The following B4GALNT3 variants were observed in gnomAD, a reference collection of about 807,000 sequenced individuals.
B4GALNT3 encodes the protein beta-1,4-N-acetyl-galactosaminyltransferase 3, also known as beta-1,4-N-acetylgalactosaminyltransferase 3.
Under a neutral mutation model 120.2 loss-of-function variants are expected in B4GALNT3, and 86 were observed. That is an observed-to-expected ratio of 0.72 (90% CI 0.60 to 0.86). B4GALNT3 has a LOEUF of 0.86. Among genes scored for constraint, B4GALNT3 ranks in the 40% least tolerant of loss-of-function variants. The pLI is 0.00. For missense variants in B4GALNT3, 1,167 were observed against 1,298.9 expected (o/e 0.90, Z 1.56); for synonymous variants, 518 against 510.4 (o/e 1.01, Z -0.20).
At position 561,295 on chromosome 12, in the gene B4GALNT3, G is replaced by A. The variant is rs191389488; in HGVS notation, c.2889-48G>A. 3,799 of 1,498,378 alleles carry A rather than the reference G, an allele frequency of 2.5e-3. 10 individuals are homozygous for A. The highest frequency in any genetic ancestry group is 0.011 in the Middle Eastern group (66 of 5,868). The allele number at this position is 1,498,378 out of a possible 1,614,324, so 92.8% of individuals were successfully genotyped here. A position where few individuals can be genotyped will look rare whatever the true frequency, so the allele number is the denominator to read the frequency against. On this transcript the variant is annotated intron_variant, in intron 19 of 19. Transcript: ENST00000266383. ...GTGGTCGATGGGGAGGGGCCCCCCA[G>A]CTGCCTTCTGTGCTTCTGTTGGCTC...
At chr12:501,852 A>G (rs1273413247) in intron 1 of B4GALNT3, among the ~76,000 whole-genome samples, 2 of 152,180 alleles carry the variant, frequency 1.3e-5, no homozygotes, top group Admixed American at 1.3e-4. Flanking sequence ...CTTGTCGGTC[A>G]TCTCTGCCTG....
At chr12:475,579 C>T (rs1206157116) in intron 1 of B4GALNT3, among the ~76,000 whole-genome samples, 1 of 152,074 alleles carries the variant, frequency 6.6e-6, no homozygotes, top group African/African-American at 2.4e-5. Flanking sequence ...CGCCCTGTGC[C>T]TGCTGTTTTC....
At position 525,086 on chromosome 12, in the gene B4GALNT3, TTTTA is replaced by T. The variant is rs575604135; in HGVS notation, c.170-10049_170-10046del. 1.3e-4 allele frequency among the ~76,000 whole-genome samples: 17 copies of T among 130,604 alleles called. No individual in the cohort carries two copies. The East Asian group carries it at 1.4e-3, about 11-fold the overall frequency. 85.7% of individuals were successfully genotyped at this position (130,604 alleles called of 152,430 possible). A position where few individuals can be genotyped will look rare whatever the true frequency, so the allele number is the denominator to read the frequency against. On this transcript the variant is annotated intron_variant, in intron 1 of 19. Transcript: ENST00000266383. ...TCTAGCCTCTTCATAAATAACACAATTTTATTTATTTATTTATTTATTTATTTAT... is the reference window on the plus strand; with the variant it reads ...TCTAGCCTCTTCATAAATAACACAATTTTATTTATTTATTTATTTATTTAT...
intron 1 of B4GALNT3, among the ~76,000 whole-genome samples, chr12:512,495 ACCTTCTACCTTCTG>A (rs1946595762): frequency 2.0e-5 from 2 of 102,296 alleles, no homozygotes; most frequent in Non-Finnish European, 3.9e-5. Context: ...TCCGCCTTCC[ACCTTCTACCTTCTG>A]CCTTCCACCT....
chr12:500,775 C>A (rs1315224623), intron 1 of B4GALNT3, among the ~76,000 whole-genome samples: 1 of 151,252 alleles, frequency 6.6e-6, no homozygotes, highest in African/African-American at 2.4e-5. Context: ...GGCTGGCATC[C>A]ATTCTCAGTG....
intron 1 of B4GALNT3, among the ~76,000 whole-genome samples, chr12:471,317 G>A (rs937982002): frequency 4.6e-5 from 7 of 150,814 alleles, no homozygotes; most frequent in Admixed American, 2.6e-4. Context: ...CCCAGGAGGC[G>A]GAGGTTTCAG....
intron 1 of B4GALNT3, among the ~76,000 whole-genome samples, chr12:523,094 C>T (rs1946728051): frequency 6.6e-6 from 1 of 152,152 alleles, no homozygotes; most frequent in Admixed American, 6.5e-5. Context: ...TGGACTGTGC[C>T]TTTGACATCT....
At chr12:552,805 T>G in intron 13 of B4GALNT3, 1 of 526,222 alleles carries the variant, frequency 1.9e-6, no homozygotes, top group Non-Finnish European at 3.4e-6. Flanking sequence ...TGGAGGGGCT[T>G]GCTGTCCCTG....
intron 1 of B4GALNT3, among the ~76,000 whole-genome samples, chr12:521,432 G>C (rs748178198): frequency 2.6e-5 from 4 of 152,156 alleles, no homozygotes; most frequent in Non-Finnish European, 4.4e-5. Context: ...GCCTTTCCGG[G>C]GCCCAGTCGT....
intron 1 of B4GALNT3, among the ~76,000 whole-genome samples, chr12:485,116 G>A (rs1039486920): frequency 1.3e-5 from 2 of 152,198 alleles, no homozygotes; most frequent in African/African-American, 4.8e-5. Context: ...AAGACGTGGT[G>A]TTGGAGGTGG....
At chr12:512,347 C>A (rs1248581134) in intron 1 of B4GALNT3, among the ~76,000 whole-genome samples, 17 of 141,788 alleles carry the variant, frequency 1.2e-4, no homozygotes, top group Non-Finnish European at 2.3e-4. Context: ...TTCCACCTTC[C>A]ACCTTCCGCC....
At chr12:544,000 A>G (rs554093067) in intron 3 of B4GALNT3, among the ~76,000 whole-genome samples, 29 of 121,242 alleles carry the variant, frequency 2.4e-4, no homozygotes, top group African/African-American at 5.7e-4. Flanking sequence ...TGGGGCGGGC[A>G]TGGGGTGCTC....
At chr12:554,068 G>A in intron 14 of B4GALNT3, 85 bp downstream of exon 14, 3 of 929,426 alleles carry the variant, frequency 3.2e-6, no homozygotes, top group East Asian at 2.5e-5. Flanking sequence ...AGGGCTGGTA[G>A]TGGGTTCCCC....
chr12:487,941 G>A (rs1203540195), intron 1 of B4GALNT3, among the ~76,000 whole-genome samples: 1 of 151,998 alleles, frequency 6.6e-6, no homozygotes, highest in Non-Finnish European at 1.5e-5. Context: ...ACAGAGCAAG[G>A]CCCTGTCTCC....
At chr12:464,519 G>C (rs1946057642) in intron 1 of B4GALNT3, among the ~76,000 whole-genome samples, 1 of 152,088 alleles carries the variant, frequency 6.6e-6, no homozygotes, top group African/African-American at 2.4e-5. Flanking sequence ...TGTAATCCCA[G>C]ATACTGGGGA....
intron 1 of B4GALNT3, among the ~76,000 whole-genome samples, chr12:512,192 C>G (rs866305278): frequency 3.8e-5 from 3 of 79,318 alleles, no homozygotes; most frequent in Admixed American, 1.2e-4. Context: ...TTCCACCTTC[C>G]GCCTTCCACC....
At chr12:483,028 C>T (rs1946256680) in intron 1 of B4GALNT3, among the ~76,000 whole-genome samples, 1 of 152,138 alleles carries the variant, frequency 6.6e-6, no homozygotes, top group Non-Finnish European at 1.5e-5. Flanking sequence ...CCACTTCAGC[C>T]TCCTGAGTAG....
At position 556,816 on chromosome 12, in the gene B4GALNT3, C is replaced by T. The variant is rs1290953173; in HGVS notation, c.2330C>T (p.Pro777Leu). 11 of 1,613,342 alleles carry T rather than the reference C, an allele frequency of 6.8e-6. No individual in the cohort carries two copies. The highest frequency in any genetic ancestry group is 1.7e-5 in the Admixed American group (1 of 59,990). ...TRAQEPKLCW[P>L]QGFSWSHRAV... is the part of the protein sequence containing the mutation. ...GCCCAAGAGCCCAAGCTGTGCTGGC[C>T]TCAGGGTTTCTCCTGGAGTCACCGA... The change falls in exon 15 of 20, where the codon CCT becomes CTT. Residue 777 changes from proline to leucine, a missense_variant. Pro to Leu is a moderately conservative substitution (Grantham distance 98). Around this residue, in one of 3 missense-constraint regions of B4GALNT3, gnomAD observed 983 missense variants for 1,102.5 expected, o/e 0.89. Coordinates refer to ENST00000266383, the MANE Select transcript of B4GALNT3 (RefSeq NM_173593.4).
chr12:503,146 C>T (rs1445346488), intron 1 of B4GALNT3, among the ~76,000 whole-genome samples: 1 of 152,184 alleles, frequency 6.6e-6, no homozygotes. Flanking sequence ...TTTGCAGCTG[C>T]TGGCTGATGT....
Sources: gnomAD v4.1 joint callset for allele counts (sites outside exome capture counted in the v4.1 genomes callset) on GRCh38, gnomAD v4.1.1 for gene constraint, gnomAD v4.1.1 regional missense constraint, MANE v1.5 for transcripts, NCBI Gene and HGNC (gene_info 2026-07-23, HGNC 2026-07-21) for gene names.